SH3RF3: variants seen among roughly 807,000 people sequenced by gnomAD.
The protein encoded by SH3RF3 is E3 ubiquitin-protein ligase SH3RF3.
SH3RF3 carries 29 observed loss-of-function variants against 66.3 expected under a neutral mutation model. That is an observed-to-expected ratio of 0.44 (90% confidence interval 0.33 to 0.60). The LOEUF (loss-of-function observed/expected upper bound fraction) is 0.60. SH3RF3 is among the 20% of genes least tolerant of loss of function. The pLI is 0.04. For missense variants in SH3RF3, 1,194 were observed against 1,190.9 expected (o/e 1.00, Z -0.04); for synonymous variants, 583 against 532.0 (o/e 1.10, Z -1.32).
chr2:109,490,589 TTG>T lies in SH3RF3; in HGVS notation c.2149-10_2149-9del, dbSNP rs1679102596. 7 of 1,416,640 alleles carry T rather than the reference TTG, an allele frequency of 4.9e-6. No homozygotes were observed. The highest frequency in any genetic ancestry group is 6.5e-6 in the Non-Finnish European group (7 of 1,083,882). The allele number at this position is 1,416,640 out of a possible 1,614,324, so 87.8% of individuals were successfully genotyped here. A position where few individuals can be genotyped will look rare whatever the true frequency, so the allele number is the denominator to read the frequency against. On this transcript the variant is annotated splice_polypyrimidine_tract_variant and intron_variant, in intron 8 of 9. Coordinates refer to ENST00000309415, the MANE Select transcript of SH3RF3 (RefSeq NM_001099289.3). Reference sequence around the variant, plus strand: ...AGCATTCACCTGTTTGGTTTCCATCTTGTGTGTCTCCCCAGAAAGAGAAGAAG... The same window carrying T: ...AGCATTCACCTGTTTGGTTTCCATCTTGTGTCTCCCCAGAAAGAGAAGAAG...
At chr2:109,196,887 A>G (rs1002174156) in intron 1 of SH3RF3, among the ~76,000 whole-genome samples, 3 of 151,970 alleles carry the variant, frequency 2.0e-5, no homozygotes, top group African/African-American at 7.3e-5. Flanking sequence ...TCCTTTGAGG[A>G]CCCCGGCACA....
At chr2:109,363,953 A>G (rs547665879) in intron 2 of SH3RF3, among the ~76,000 whole-genome samples, 14 of 152,254 alleles carry the variant, frequency 9.2e-5, no homozygotes, top group South Asian at 2.1e-4. Flanking sequence ...TCTGGCATCT[A>G]TCCTGCTTGT....
At chr2:109,331,544 G>A (rs529648541) in intron 1 of SH3RF3, among the ~76,000 whole-genome samples, 1 of 151,992 alleles carries the variant, frequency 6.6e-6, no homozygotes, top group Non-Finnish European at 1.5e-5. Flanking sequence ...AACCCCCACC[G>A]CCTTCCAATC....
At chr2:109,450,959 C>T (rs963075104) in intron 8 of SH3RF3, among the ~76,000 whole-genome samples, 2 of 152,238 alleles carry the variant, frequency 1.3e-5, no homozygotes, top group Non-Finnish European at 2.9e-5. Flanking sequence ...TTCTCGAGGA[C>T]ATTGCCAAAC....
intron 7 of SH3RF3, among the ~76,000 whole-genome samples, chr2:109,441,132 C>CAAAAAAAAAAAAAAAAAAA (rs55649222): frequency 7.5e-6 from 1 of 134,034 alleles, no homozygotes; most frequent in African/African-American, 3.0e-5. Flanking sequence ...TATAGGAATA[C>CAAAAAAAAAAAAAAAAAAA]AAAAAAAAAA....
At chr2:109,185,635 A>G (rs1678167197) in intron 1 of SH3RF3, among the ~76,000 whole-genome samples, 1 of 152,174 alleles carries the variant, frequency 6.6e-6, no homozygotes, top group South Asian at 2.1e-4. Context: ...GTCCCTGGAC[A>G]GGACAGCCCT....
chr2:109,190,985 G>A (rs956801592), intron 1 of SH3RF3, among the ~76,000 whole-genome samples: 1 of 151,624 alleles, frequency 6.6e-6, no homozygotes, highest in Non-Finnish European at 1.5e-5. Flanking sequence ...TGCGTCAGGC[G>A]AGGAGTTAGC....
chr2:109,248,374 CCTCTCATGATTATGTGTTATCG>C (rs371731398), intron 1 of SH3RF3, among the ~76,000 whole-genome samples: 7 of 152,030 alleles, frequency 4.6e-5, no homozygotes, highest in African/African-American at 1.7e-4. Flanking sequence ...TATGGTTTTG[CCTCTCATGATTATGTGTTATCG>C]CTCTCATTTT....
At chr2:109,198,850 A>C (rs1248958779) in intron 1 of SH3RF3, among the ~76,000 whole-genome samples, 1 of 152,344 alleles carries the variant, frequency 6.6e-6, no homozygotes, top group Admixed American at 6.5e-5. Context: ...AGACCTGTGC[A>C]GGATGTGACT....
At chr2:109,467,683 AAG>A (rs1678390498) in intron 8 of SH3RF3, among the ~76,000 whole-genome samples, 1 of 152,276 alleles carries the variant, frequency 6.6e-6, no homozygotes, top group African/African-American at 2.4e-5. Context: ...TTAGAGCCAG[AAG>A]AGAGGACGAG....
chr2:109,260,160 C>T (rs780593281), intron 1 of SH3RF3, among the ~76,000 whole-genome samples: 26 of 152,184 alleles, frequency 1.7e-4, no homozygotes, highest in South Asian at 4.2e-4. Flanking sequence ...AATGCATTCC[C>T]GAGACTTTCC....
chr2:109,272,775 C>A (rs1343410602), intron 1 of SH3RF3, among the ~76,000 whole-genome samples: 1 of 152,194 alleles, frequency 6.6e-6, no homozygotes, highest in Non-Finnish European at 1.5e-5. Flanking sequence ...AGCATCAATG[C>A]ATCTCAGTTA....
chr2:109,208,849 C>T (rs1678903621), intron 1 of SH3RF3, among the ~76,000 whole-genome samples: 1 of 152,224 alleles, frequency 6.6e-6, no homozygotes, highest in Non-Finnish European at 1.5e-5. Context: ...AAGGCAAATT[C>T]AGGTTCATTC....
At chr2:109,191,926 A>G (rs1265894180) in intron 1 of SH3RF3, among the ~76,000 whole-genome samples, 1 of 152,182 alleles carries the variant, frequency 6.6e-6, no homozygotes, top group Non-Finnish European at 1.5e-5. Context: ...TGCTTAACAA[A>G]AACAGTTGAA....
intron 1 of SH3RF3, among the ~76,000 whole-genome samples, chr2:109,296,318 C>T (rs1681306850): frequency 1.3e-5 from 2 of 152,096 alleles, no homozygotes; most frequent in South Asian, 4.1e-4. Context: ...ACCCCTGCCT[C>T]CCAGGTTCAA....
At chr2:109,402,105 A>G (rs530294664) in intron 4 of SH3RF3, among the ~76,000 whole-genome samples, 5 of 152,330 alleles carry the variant, frequency 3.3e-5, no homozygotes, top group Admixed American at 2.6e-4. Context: ...TGAGCTGTGT[A>G]TGCTGCCCCT....
chr2:109,246,485 G>A (rs941826938), intron 1 of SH3RF3, among the ~76,000 whole-genome samples: 3 of 152,184 alleles, frequency 2.0e-5, no homozygotes, highest in Non-Finnish European at 2.9e-5. Flanking sequence ...TGGAGGTTAG[G>A]ATTTAACATA....
intron 1 of SH3RF3, among the ~76,000 whole-genome samples, chr2:109,223,358 A>G (rs996807220): frequency 2.6e-5 from 4 of 152,286 alleles, no homozygotes; most frequent in Middle Eastern, 3.4e-3. Flanking sequence ...GGCGTTCTGA[A>G]GCCCGAAGAA....
At chr2:109,349,400 GCCTC>G (rs1682792418) in intron 2 of SH3RF3, among the ~76,000 whole-genome samples, 1 of 152,116 alleles carries the variant, frequency 6.6e-6, no homozygotes, top group African/African-American at 2.4e-5. Flanking sequence ...CTGCACTGGT[GCCTC>G]CCTCCCTCCC....
Sources: allele counts gnomAD v4.1 joint callset (sites outside exome capture counted in the v4.1 genomes callset), GRCh38; gene constraint gnomAD v4.1.1; transcripts MANE v1.5; gene names NCBI Gene and HGNC (gene_info 2026-07-23, HGNC 2026-07-21).